The following NKAIN3 variants were observed in gnomAD, a reference collection of about 807,000 sequenced individuals.
The protein encoded by NKAIN3 is sodium/potassium transporting ATPase interacting 3.
Under a neutral mutation model 30.2 loss-of-function variants are expected in NKAIN3, and 25 were observed. That is an observed-to-expected ratio of 0.83 (90% CI 0.60 to 1.16). The LOEUF is 1.16. Among genes scored for constraint, NKAIN3 ranks in the 50% most tolerant of loss-of-function variants. NKAIN3 has a pLI of 0.00. For missense variants in NKAIN3, 225 were observed against 254.1 expected, an observed-to-expected ratio of 0.89 and a Z score of 0.78; for synonymous variants, 91 against 89.6, an observed-to-expected ratio of 1.02 and a Z score of -0.09.
intron 1 of NKAIN3, among the ~76,000 whole-genome samples, chr8:62,493,324 A>C (rs931854426): frequency 6.6e-6 from 1 of 152,094 alleles, no homozygotes; most frequent in African/African-American, 2.4e-5. Flanking sequence ...GTCAAAAATC[A>C]GATGGTTCTA....
At chr8:62,268,324 G>A (rs1190539872) in intron 1 of NKAIN3, among the ~76,000 whole-genome samples, 1 of 152,138 alleles carries the variant, frequency 6.6e-6, no homozygotes, top group Non-Finnish European at 1.5e-5. Context: ...CTAGAAGACT[G>A]TTCATACTTC....
At chr8:62,668,826 A>G (rs1249994663) in intron 3 of NKAIN3, among the ~76,000 whole-genome samples, 2 of 152,200 alleles carry the variant, frequency 1.3e-5, no homozygotes, top group African/African-American at 4.8e-5. Flanking sequence ...TTTTAAAGAG[A>G]ATAGTCATTA....
intron 1 of NKAIN3, among the ~76,000 whole-genome samples, chr8:62,510,382 G>T (rs1807781620): frequency 6.6e-6 from 1 of 152,118 alleles, no homozygotes; most frequent in South Asian, 2.1e-4. Context: ...GGCCAGCTTT[G>T]TCATCAAGGG....
chr8:62,831,113 C>T (rs1819183176), intron 4 of NKAIN3, among the ~76,000 whole-genome samples: 1 of 152,152 alleles, frequency 6.6e-6, no homozygotes, highest in Non-Finnish European at 1.5e-5. Flanking sequence ...TTGAGTTACA[C>T]AGCCCAATAT....
intron 1 of NKAIN3, among the ~76,000 whole-genome samples, chr8:62,559,338 A>G (rs1340897535): frequency 6.6e-6 from 1 of 152,038 alleles, no homozygotes; most frequent in Non-Finnish European, 1.5e-5. Flanking sequence ...TTTTTTGTAG[A>G]TAACATACAG....
intron 1 of NKAIN3, among the ~76,000 whole-genome samples, chr8:62,528,932 T>C (rs116261435): frequency 6.6e-6 from 1 of 152,050 alleles, no homozygotes; most frequent in Admixed American, 6.6e-5. Context: ...ATTTTATACA[T>C]AAGAAAAATG....
chr8:62,894,999 T>C (rs1375189988), intron 4 of NKAIN3, among the ~76,000 whole-genome samples: 1 of 152,204 alleles, frequency 6.6e-6, no homozygotes, highest in Non-Finnish European at 1.5e-5. Flanking sequence ...TCTAATTGTT[T>C]AGCCTTTTAG....
At chr8:62,825,054 A>G (rs1236021946) in intron 4 of NKAIN3, among the ~76,000 whole-genome samples, 1 of 152,186 alleles carries the variant, frequency 6.6e-6, no homozygotes, top group Non-Finnish European at 1.5e-5. Context: ...TTCTTGAGGT[A>G]TTTCAGCAAA....
intron 1 of NKAIN3, among the ~76,000 whole-genome samples, chr8:62,380,498 A>G (rs1323246057): frequency 6.6e-6 from 1 of 152,134 alleles, no homozygotes; most frequent in Non-Finnish European, 1.5e-5. Context: ...TTCCAGCACT[A>G]GTCTTAAGCA....
At chr8:62,937,833 C>G (rs565735686) in intron 5 of NKAIN3, among the ~76,000 whole-genome samples, 96 of 152,088 alleles carry the variant, frequency 6.3e-4, no homozygotes, top group African/African-American at 2.2e-3. Flanking sequence ...TTACTGGTTG[C>G]GTGGAAATAA....
At chr8:62,900,699 T>G (rs1263359688) in intron 4 of NKAIN3, among the ~76,000 whole-genome samples, 1 of 151,984 alleles carries the variant, frequency 6.6e-6, no homozygotes, top group Non-Finnish European at 1.5e-5. Context: ...CTTGATAATC[T>G]TCACAATAAT....
chr8:62,383,259 T>A (rs1023527289), intron 1 of NKAIN3, among the ~76,000 whole-genome samples: 3 of 152,140 alleles, frequency 2.0e-5, no homozygotes, highest in Admixed American at 2.0e-4. Context: ...TTCTCATTGT[T>A]TAGGCCTTTT....
At chr8:62,852,782 C>T (rs1041640459) in intron 4 of NKAIN3, among the ~76,000 whole-genome samples, 2 of 152,094 alleles carry the variant, frequency 1.3e-5, no homozygotes, top group African/African-American at 4.8e-5. Flanking sequence ...GTTTCTTAAT[C>T]CTGAGTTCTA....
chr8:62,583,673 G>A (rs1479869195), intron 2 of NKAIN3, among the ~76,000 whole-genome samples: 1 of 152,182 alleles, frequency 6.6e-6, no homozygotes, highest in Non-Finnish European at 1.5e-5. Flanking sequence ...TCAAGGAGCT[G>A]CTAGAGCATG....
chr8:62,788,674 C>T (rs1484094448), intron 4 of NKAIN3, among the ~76,000 whole-genome samples: 2 of 152,010 alleles, frequency 1.3e-5, no homozygotes, highest in African/African-American at 4.8e-5. Context: ...TTAGGTCTAA[C>T]ATGTAAGTCT....
At chr8:62,378,663 G>T (rs181364706) in intron 1 of NKAIN3, among the ~76,000 whole-genome samples, 1 of 152,190 alleles carries the variant, frequency 6.6e-6, no homozygotes, top group African/African-American at 2.4e-5. Context: ...CACCTTCCAC[G>T]TAGCGTTGGT....
chr8:62,644,362 A>T (rs1812395459), intron 3 of NKAIN3, among the ~76,000 whole-genome samples: 1 of 152,130 alleles, frequency 6.6e-6, no homozygotes, highest in South Asian at 2.1e-4. Context: ...ACCCTGATAG[A>T]TACAAATAAA....
chr8:62,561,326 A>G (rs1048376663), intron 1 of NKAIN3, among the ~76,000 whole-genome samples: 3 of 152,154 alleles, frequency 2.0e-5, no homozygotes, highest in Non-Finnish European at 2.9e-5. Flanking sequence ...TTTTGGATGT[A>G]CTTAGCAAGA....
chr8:62,585,262 C>G (rs1030658985), intron 2 of NKAIN3, among the ~76,000 whole-genome samples: 1 of 152,134 alleles, frequency 6.6e-6, no homozygotes, highest in Non-Finnish European at 1.5e-5. Flanking sequence ...GGAGGCCTCT[C>G]GGCAAAGACT....
Sources: gnomAD v4.1 joint callset for allele counts (sites outside exome capture counted in the v4.1 genomes callset) on GRCh38, gnomAD v4.1.1 for gene constraint, MANE v1.5 for transcripts, NCBI Gene and HGNC (gene_info 2026-07-23, HGNC 2026-07-21) for gene names.